Variants in NTNG2 observed in about 807,000 individuals in gnomAD.
The protein encoded by NTNG2 is netrin-G2.
NTNG2 carries 15 observed loss-of-function variants against 47.6 expected under a neutral mutation model. The observed-to-expected ratio is 0.32, with a 90% CI of 0.21 to 0.49. NTNG2 has a LOEUF of 0.49. Among genes scored for constraint, NTNG2 ranks in the 20% least tolerant of loss-of-function variants. The probability of loss-of-function intolerance (pLI) is 0.99; values close to 1 mark genes in which losing one functional copy is unlikely to be tolerated. For synonymous variants in NTNG2, 307 were observed against 324.6 expected, an observed-to-expected ratio of 0.95 and a Z score of 0.58; for missense variants, 578 against 764.6, an observed-to-expected ratio of 0.76 and a Z score of 2.88.
At chr9:132,189,775 G>A (rs1837720917) in intron 2 of NTNG2, among the ~76,000 whole-genome samples, 1 of 151,984 alleles carries the variant, frequency 6.6e-6, no homozygotes, top group South Asian at 2.1e-4. Context: ...GAGTAGCTGG[G>A]ACTACAGGCA....
intron 3 of NTNG2, among the ~76,000 whole-genome samples, chr9:132,202,848 G>A (rs1001561600): frequency 7.2e-5 from 11 of 152,110 alleles, no homozygotes; most frequent in Admixed American, 5.2e-4. Flanking sequence ...AGCTCCTCAA[G>A]TGAGCTGGAA....
At chr9:132,202,038 G>A (rs924642796) in intron 3 of NTNG2, among the ~76,000 whole-genome samples, 3 of 152,202 alleles carry the variant, frequency 2.0e-5, no homozygotes, top group East Asian at 1.9e-4. Context: ...CTCAGCCACC[G>A]AGCTGTCCCT....
At chr9:132,211,722 C>A (rs1479045777) in intron 3 of NTNG2, among the ~76,000 whole-genome samples, 1 of 152,170 alleles carries the variant, frequency 6.6e-6, no homozygotes, top group African/African-American at 2.4e-5. Context: ...ACCAGCCCCT[C>A]GGTCCCCTTC....
At chr9:132,207,878 C>A (rs1215460839) in intron 3 of NTNG2, among the ~76,000 whole-genome samples, 1 of 152,068 alleles carries the variant, frequency 6.6e-6, no homozygotes, top group Non-Finnish European at 1.5e-5. Flanking sequence ...CTGAGGCTGG[C>A]GGATTGCTTG....
At chr9:132,241,293 G>T in intron 7 of NTNG2, 1 of 553,020 alleles carries the variant, frequency 1.8e-6, no homozygotes, top group Non-Finnish European at 3.1e-6. Flanking sequence ...GGGATAGTTG[G>T]CAGGGGCCTG....
chr9:132,202,521 A>C (rs1186243566), intron 3 of NTNG2, among the ~76,000 whole-genome samples: 1 of 152,172 alleles, frequency 6.6e-6, no homozygotes, highest in Non-Finnish European at 1.5e-5. Flanking sequence ...GAAGGCAGGC[A>C]GGGGGTGGGA....
rs1171584738 is a variant in NTNG2, at chr9:132,244,459, C to T, written c.*2348C>T. On this transcript the variant is annotated 3_prime_UTR_variant, in exon 8 of 8. Transcript: ENST00000393229. ...CCTCCCGAAGTGCTGAGATTACAGG[C>T]ATGAGCCACCGCACCACCTGCCTGT... 1.3e-5 allele frequency: 2 copies of T among 152,286 alleles called. No individual in the cohort carries two copies. Among genetic ancestry groups the T allele is most frequent in the Non-Finnish European group, 1.5e-5 (1 of 68,094 alleles). 9.4% of individuals were successfully genotyped at this position (152,286 alleles called of 1,614,324 possible).
chr9:132,214,126 C>T (rs1839804249), intron 3 of NTNG2, among the ~76,000 whole-genome samples: 1 of 152,234 alleles, frequency 6.6e-6, no homozygotes, highest in Non-Finnish European at 1.5e-5. Context: ...CCAAACTCAC[C>T]GCTTCCTCCG....
intron 3 of NTNG2, among the ~76,000 whole-genome samples, chr9:132,219,437 G>A (rs754633846): frequency 6.6e-6 from 1 of 151,710 alleles, no homozygotes; most frequent in Non-Finnish European, 1.5e-5. Context: ...GCTAGATGTG[G>A]TGGTGGGTGC....
intron 2 of NTNG2, among the ~76,000 whole-genome samples, chr9:132,175,179 CT>C (rs1021480810): frequency 6.6e-6 from 1 of 152,246 alleles, no homozygotes; most frequent in African/African-American, 2.4e-5. Flanking sequence ...TCCACTCCCC[CT>C]GCCCACCTCA....
chr9:132,222,161 T>C (rs1461388652), intron 3 of NTNG2, among the ~76,000 whole-genome samples: 2 of 152,190 alleles, frequency 1.3e-5, no homozygotes, highest in Non-Finnish European at 2.9e-5. Flanking sequence ...TCTGCTGAGA[T>C]GTATTATGAC....
At chr9:132,178,927 A>C (rs1589387111) in intron 2 of NTNG2, among the ~76,000 whole-genome samples, 1 of 141,658 alleles carries the variant, frequency 7.1e-6, no homozygotes, top group Non-Finnish European at 1.5e-5. Context: ...GTGCCACTGC[A>C]CTCCAGCCTG....
At chr9:132,175,567 G>A (rs1836371646) in intron 2 of NTNG2, among the ~76,000 whole-genome samples, 1 of 152,242 alleles carries the variant, frequency 6.6e-6, no homozygotes, top group South Asian at 2.1e-4. Context: ...AGAAACGGCA[G>A]ATGATGCGGG....
In NTNG2 at chr9:132,189,068, C is replaced by CTTTTT. The variant is rs749756559; in HGVS notation, c.214-8875_214-8871dup. On this transcript the variant is annotated intron_variant, in intron 2 of 7. Coordinates refer to ENST00000393229, the MANE Select transcript of NTNG2 (RefSeq NM_032536.4). The stretch of plus-strand genomic sequence containing the variant: ...TATGTGAAAAAGGCTTTAAGCCTTT[C>CTTTTT]TTTTTTTTTTTTTTTTTTTTTTTTT... Among the ~76,000 whole-genome samples the CTTTTT allele has an allele frequency of 5.5e-3, 514 of 93,234 alleles. 80 individuals carry two copies. The highest frequency in any genetic ancestry group is 0.018 in the African/African-American group (392 of 21,958). The allele number at this position is 93,234 out of a possible 152,430, so 61.2% of individuals were successfully genotyped here.
intron 3 of NTNG2, among the ~76,000 whole-genome samples, chr9:132,223,574 A>G (rs1840507943): frequency 6.6e-6 from 1 of 152,020 alleles, no homozygotes; most frequent in Non-Finnish European, 1.5e-5. Context: ...ACAATCTCTG[A>G]ATGGACGAGA....
Position 132,198,422 on chromosome 9 carries a change from G to A in NTNG2, c.670G>A (p.Gly224Ser). 1 of 1,613,080 alleles carries A rather than the reference G, an allele frequency of 6.2e-7. No individual in the cohort carries two copies. The highest frequency in any genetic ancestry group is 1.3e-5 in the African/African-American group (1 of 75,046). ...GCGGGACCGCTTCGCCATCTTTGCC[G>A]GCCCCGACCTGCGCAACATGGACAA... is the stretch of plus-strand genomic sequence containing the variant. ...EVRDRFAIFAGPDLRNMDNLY... is the reference protein window; with the variant it reads ...EVRDRFAIFASPDLRNMDNLY... Residue 224 changes from glycine (G) to serine (S), a missense_variant, in exon 3 of 8, where the codon GGC becomes AGC. Gly to Ser is a moderately conservative substitution (Grantham distance 56). Transcript: ENST00000393229.
At chr9:132,203,967 G>A (rs938655094) in intron 3 of NTNG2, among the ~76,000 whole-genome samples, 3 of 152,200 alleles carry the variant, frequency 2.0e-5, no homozygotes, top group African/African-American at 7.2e-5. Context: ...TGGTGTTTGT[G>A]GGAGATGATG....
chr9:132,228,770 C>T (rs1010824310), intron 4 of NTNG2, among the ~76,000 whole-genome samples: 1 of 152,154 alleles, frequency 6.6e-6, no homozygotes, highest in Admixed American at 6.5e-5. Flanking sequence ...GTTGCCCAGG[C>T]TGGTCTCGAG....
chr9:132,193,033 G>A lies in NTNG2; in HGVS notation c.214-4933G>A, dbSNP rs888898090. Among the ~76,000 whole-genome samples, 6 of 152,204 alleles carry A rather than the reference G, an allele frequency of 3.9e-5. No individual in the cohort carries two copies. The East Asian group carries it at 1.2e-3, about 29-fold the overall frequency. On this transcript the variant is annotated intron_variant, in intron 2 of 7. Coordinates refer to ENST00000393229, the MANE Select transcript of NTNG2 (RefSeq NM_032536.4). Reference sequence around the variant, plus strand: ...AGTCTTCCCAGTGACAGACAGGCCGGGTGCAACTGGGGGCTTTGAGGGATA... The same window carrying A: ...AGTCTTCCCAGTGACAGACAGGCCGAGTGCAACTGGGGGCTTTGAGGGATA...
Sources: allele counts gnomAD v4.1 joint callset (sites outside exome capture counted in the v4.1 genomes callset), GRCh38; gene constraint gnomAD v4.1.1; transcripts MANE v1.5; gene names NCBI Gene and HGNC (gene_info 2026-07-23, HGNC 2026-07-21).